Variants in RGS7 observed in about 807,000 individuals in gnomAD.
RGS7 encodes the protein regulator of G protein signaling 7, also known as regulator of G-protein signaling 7.
RGS7 carries 27 observed loss-of-function variants against 81.1 expected under a neutral mutation model. The ratio of observed to expected loss-of-function variants is 0.33; its 90% CI spans 0.25 to 0.46. RGS7 has a LOEUF of 0.46. Among genes scored for constraint, RGS7 ranks in the 20% least tolerant of loss-of-function variants. RGS7 has a pLI of 1.00. For missense variants in RGS7, 396 were observed against 607.4 expected, an observed-to-expected ratio of 0.65 and a Z score of 3.66; for synonymous variants, 208 against 207.7, an observed-to-expected ratio of 1.00 and a Z score of -0.01.
chr1:240,826,398 A>G (rs1692845226), intron 10 of RGS7, among the ~76,000 whole-genome samples: 2 of 152,182 alleles, frequency 1.3e-5, no homozygotes, highest in African/African-American at 4.8e-5. Context: ...ACTCTGGAAA[A>G]CACGATGGCT....
chr1:240,987,475 G>C (rs978597400), intron 3 of RGS7, among the ~76,000 whole-genome samples: 1 of 151,664 alleles, frequency 6.6e-6, no homozygotes, highest in African/African-American at 2.4e-5. Context: ...TTTTTATTTA[G>C]TGAATATCAT....
chr1:241,324,261 T>C (rs766648626), intron 2 of RGS7, among the ~76,000 whole-genome samples: 3 of 152,112 alleles, frequency 2.0e-5, no homozygotes, highest in Non-Finnish European at 4.4e-5. Context: ...GGTAGACTAT[T>C]ATAGTTAAGA....
chr1:241,151,497 C>T (rs1194807653), intron 2 of RGS7, among the ~76,000 whole-genome samples: 1 of 150,680 alleles, frequency 6.6e-6, no homozygotes, highest in Non-Finnish European at 1.5e-5. Context: ...AGAGGAGAAA[C>T]ACTCAACTCT....
intron 9 of RGS7, among the ~76,000 whole-genome samples, chr1:240,829,160 A>T (rs1192559549): frequency 1.3e-5 from 2 of 152,170 alleles, no homozygotes; most frequent in Non-Finnish European, 2.9e-5. Flanking sequence ...TTTGTAGAAT[A>T]TGTATATACT....
At position 240,776,031 on chromosome 1, in the gene RGS7, C is replaced by T. The variant is rs943399595; in HGVS notation, c.*189G>A. The T allele has an allele frequency of 9.1e-6, 7 of 765,104 alleles. No individual in the cohort carries two copies. Among genetic ancestry groups the T allele is most frequent in the African/African-American group, 8.5e-5 (5 of 58,488 alleles). 47.4% of individuals were successfully genotyped at this position (765,104 alleles called of 1,614,324 possible). On this transcript the variant is annotated 3_prime_UTR_variant, in exon 19 of 19. Transcript: ENST00000440928. ...GAGTCCATTGGAGATGGAATGTACA[C>T]ACAAAAATAACAATTTAGGTCCTTT...
intron 2 of RGS7, among the ~76,000 whole-genome samples, chr1:241,298,659 G>A (rs1010429299): frequency 7.9e-5 from 12 of 152,116 alleles, no homozygotes; most frequent in Non-Finnish European, 1.6e-4. Context: ...GAAAATTCTG[G>A]AGCCTACAGA....
chr1:241,348,320 G>C (rs1015422663), intron 2 of RGS7, among the ~76,000 whole-genome samples: 6 of 152,260 alleles, frequency 3.9e-5, no homozygotes, highest in South Asian at 4.1e-4. Context: ...GTCAGACTAA[G>C]TTCCCAATCT....
At chr1:241,208,178 A>G (rs1331292557) in intron 2 of RGS7, among the ~76,000 whole-genome samples, 1 of 152,170 alleles carries the variant, frequency 6.6e-6, no homozygotes, top group Non-Finnish European at 1.5e-5. Context: ...TGCTGGGATT[A>G]CAGGCGTGAG....
At chr1:241,223,839 A>G (rs985564301) in intron 2 of RGS7, among the ~76,000 whole-genome samples, 1 of 152,002 alleles carries the variant, frequency 6.6e-6, no homozygotes, top group African/African-American at 2.4e-5. Context: ...CGTATAAAAC[A>G]CTGAGTATTT....
At chr1:240,991,994 G>A (rs905315500) in intron 3 of RGS7, among the ~76,000 whole-genome samples, 5 of 152,140 alleles carry the variant, frequency 3.3e-5, no homozygotes. Context: ...GCTCTTGACT[G>A]GATAGGCACA....
intron 2 of RGS7, among the ~76,000 whole-genome samples, chr1:241,299,056 G>A (rs534084038): frequency 1.3e-5 from 2 of 152,282 alleles, no homozygotes; most frequent in Non-Finnish European, 2.9e-5. Flanking sequence ...CCCAGAGCTG[G>A]CAAAGTAATC....
intron 2 of RGS7, among the ~76,000 whole-genome samples, chr1:241,100,865 A>C (rs2064684940): frequency 6.6e-6 from 1 of 152,206 alleles, no homozygotes; most frequent in Non-Finnish European, 1.5e-5. Context: ...ATGTGGAAGG[A>C]GCGCCATTAC....
intron 18 of RGS7, among the ~76,000 whole-genome samples, chr1:240,787,565 T>C (rs922602339): frequency 6.6e-6 from 1 of 152,214 alleles, no homozygotes; most frequent in African/African-American, 2.4e-5. Context: ...CTGTTCCTTA[T>C]GGTATTTTAA....
intron 2 of RGS7, among the ~76,000 whole-genome samples, chr1:241,124,807 A>G (rs904840691): frequency 2.0e-5 from 3 of 152,198 alleles, no homozygotes; most frequent in Non-Finnish European, 4.4e-5. Flanking sequence ...CAGGAGAGCT[A>G]TGGAAGTAGT....
At chr1:240,793,286 C>G (rs189358393) in intron 18 of RGS7, among the ~76,000 whole-genome samples, 2 of 152,056 alleles carry the variant, frequency 1.3e-5, no homozygotes, top group African/African-American at 2.4e-5. Context: ...ATTGTCTGAA[C>G]TCAATTAGGC....
intron 3 of RGS7, among the ~76,000 whole-genome samples, chr1:241,050,530 T>C (rs188091647): frequency 6.6e-6 from 1 of 152,274 alleles, no homozygotes; most frequent in Admixed American, 6.5e-5. Context: ...AGATAGTACA[T>C]ATATTATTGA....
intron 2 of RGS7, among the ~76,000 whole-genome samples, chr1:241,241,994 T>C (rs143851659): frequency 0.02 from 3,110 of 152,124 alleles, 113 homozygotes; most frequent in African/African-American, 0.071. Context: ...ACAGGTGGTA[T>C]TTGGTTACAT....
intron 3 of RGS7, among the ~76,000 whole-genome samples, chr1:241,054,750 T>C (rs1477109895): frequency 2.0e-5 from 3 of 152,250 alleles, no homozygotes; most frequent in Non-Finnish European, 4.4e-5. Flanking sequence ...TTTTCTTTCT[T>C]GCCCATATCT....
chr1:240,945,061 A>T (rs1345390182), intron 4 of RGS7, among the ~76,000 whole-genome samples: 2 of 152,230 alleles, frequency 1.3e-5, no homozygotes, highest in Non-Finnish European at 2.9e-5. Flanking sequence ...GGGGATCACT[A>T]AAGACTTTTT....
Sources: gnomAD v4.1 joint callset for allele counts (sites outside exome capture counted in the v4.1 genomes callset) on GRCh38, gnomAD v4.1.1 for gene constraint, MANE v1.5 for transcripts, NCBI Gene and HGNC (gene_info 2026-07-23, HGNC 2026-07-21) for gene names.